BNIP2: variants seen among roughly 807,000 people sequenced by gnomAD.
BNIP2 encodes BCL2 interacting protein 2.
BNIP2 carries 36 observed loss-of-function variants against 43.4 expected under a neutral mutation model. That is an observed-to-expected ratio of 0.83 (90% confidence interval 0.64 to 1.10). The LOEUF is 1.10. BNIP2 is among the 50% of genes least tolerant of loss of function. The pLI is 0.00. For missense variants in BNIP2, 417 were observed against 374.1 expected (o/e 1.11, Z -0.95); for synonymous variants, 146 against 121.0 (o/e 1.21, Z -1.35).
intron 6 of BNIP2, among the ~76,000 whole-genome samples, chr15:59,671,858 T>C (rs1892951561): frequency 6.6e-6 from 1 of 152,210 alleles, no homozygotes; most frequent in Admixed American, 6.5e-5. Flanking sequence ...GGTGGCTTAC[T>C]TGAGCCCAGG....
At chr15:59,676,647 G>A in intron 5 of BNIP2, 1 of 586,308 alleles carries the variant, frequency 1.7e-6, no homozygotes, top group East Asian at 2.8e-5. Context: ...AATATCTCTA[G>A]GCAGAGTTTC....
At position 59,664,036 on chromosome 15, in the gene BNIP2, A is replaced by T; in HGVS notation, c.*33T>A. On this transcript the variant is annotated 3_prime_UTR_variant, in exon 10 of 10. Coordinates refer to ENST00000607373, the MANE Select transcript of BNIP2 (RefSeq NM_004330.4). The stretch of plus-strand genomic sequence containing the variant: ...AGAAACAGCACTGCTCCATCAGCAC[A>T]TTCTTCAGTCTTGTTTGGACTAGAT... The T allele has an allele frequency of 6.7e-7, 1 of 1,499,046 alleles. No homozygotes were observed. The highest frequency in any genetic ancestry group is 9.0e-7 in the Non-Finnish European group (1 of 1,111,886). 92.9% of individuals were successfully genotyped at this position (1,499,046 alleles called of 1,614,324 possible).
chr15:59,688,483 C>A (rs568062539), intron 1 of BNIP2: 7 of 447,704 alleles, frequency 1.6e-5, no homozygotes, highest in Admixed American at 3.9e-5. Context: ...GATGCAACAC[C>A]GGAAAAGCTG....
chr15:59,678,318 C>G, intron 4 of BNIP2: 1 of 1,263,524 alleles, frequency 7.9e-7, no homozygotes, highest in East Asian at 3.8e-5. Context: ...CAAAAACCAC[C>G]TAATCATAGT....
At position 59,688,621 on chromosome 15, in the gene BNIP2, G is replaced by T. The variant is rs148735791; in HGVS notation, c.-58+514C>A. On this transcript the variant is annotated intron_variant, in intron 1 of 9. Transcript: ENST00000607373. The stretch of plus-strand genomic sequence containing the variant: ...TGTGTCTAGATTCACGCGGGGACTC[G>T]GCTTTTGACGTACACACTCTGTATT... The T allele has an allele frequency of 7.2e-5, 95 of 1,313,082 alleles. No homozygotes were observed. In the African/African-American group the frequency reaches 1.3e-3, roughly 18 times the overall value. 81.3% of individuals were successfully genotyped at this position (1,313,082 alleles called of 1,614,324 possible). A position where few individuals can be genotyped will look rare whatever the true frequency, so the allele number is the denominator to read the frequency against.
chr15:59,678,112 T>C, intron 4 of BNIP2, 25 bp from the exon 5 acceptor site: 1 of 1,585,350 alleles, frequency 6.3e-7, no homozygotes, highest in Non-Finnish European at 8.6e-7. Flanking sequence ...AGTTTTTGAA[T>C]CACAAATTGT....
At chr15:59,679,550 G>A in intron 4 of BNIP2, 42 bp downstream of exon 4, 2 of 1,563,130 alleles carry the variant, frequency 1.3e-6, no homozygotes, top group South Asian at 2.4e-5. Flanking sequence ...AAATCCCTTA[G>A]TACATTAATA....
chr15:59,677,126 C>A, intron 5 of BNIP2: 1 of 1,602,202 alleles, frequency 6.2e-7, no homozygotes. Flanking sequence ...ATATTGTCAT[C>A]AATGAGGCTA....
rs1892728755 is a variant in BNIP2 at position 59,668,892 on chromosome 15, T to C, written c.893A>G (p.Gln298Arg). Reference sequence around the variant, plus strand: ...ATTAAGGAAATAAAACAAAACATACTGTTTTATGCATTCTGGTATGCCAAC... The same window carrying C: ...ATTAAGGAAATAAAACAAAACATACCGTTTTATGCATTCTGGTATGCCAAC... The part of the protein sequence containing the change: ...EYVGIPECIK[Q>R]VDQELNGKQD... The change falls in exon 9 of 10, where the codon CAA (glutamine) becomes CGA (arginine). Residue 298 changes from glutamine (Q) to arginine (R), a missense_variant and splice_region_variant. Coordinates refer to ENST00000607373, the MANE Select transcript of BNIP2 (RefSeq NM_004330.4). 1.2e-6 allele frequency: 2 copies of C among 1,609,590 alleles called. No homozygotes were observed. The highest frequency in any genetic ancestry group is 2.7e-5 in the African/African-American group (2 of 74,840).
At chr15:59,682,144 T>C (rs1287239547) in intron 2 of BNIP2, among the ~76,000 whole-genome samples, 4 of 152,050 alleles carry the variant, frequency 2.6e-5, no homozygotes, top group African/African-American at 9.7e-5. Flanking sequence ...CTGGCCAATA[T>C]GGTGAAACAC....
At chr15:59,665,504 G>T (rs1323039838) in intron 9 of BNIP2, 1 of 152,424 alleles carries the variant, frequency 6.6e-6, no homozygotes, top group South Asian at 2.1e-4. Context: ...CAGCTACTCA[G>T]AAGGCTGAGG....
intron 7 of BNIP2, among the ~76,000 whole-genome samples, 196 bp downstream of exon 7, chr15:59,670,987 C>T (rs556861523): frequency 4.0e-5 from 6 of 151,418 alleles, no homozygotes; most frequent in African/African-American, 9.7e-5. Context: ...GCAGGAGAAT[C>T]GCTTGAACCT....
At chr15:59,666,702 T>A (rs1892588529) in intron 9 of BNIP2, among the ~76,000 whole-genome samples, 1 of 152,142 alleles carries the variant, frequency 6.6e-6, no homozygotes, top group Non-Finnish European at 1.5e-5. Context: ...AAATTTAATT[T>A]AAAAATTAAA....
intron 5 of BNIP2, among the ~76,000 whole-genome samples, chr15:59,676,157 G>T (rs1893274771): frequency 6.6e-6 from 1 of 151,960 alleles, no homozygotes; most frequent in East Asian, 1.9e-4. Flanking sequence ...GTAGCCTAGA[G>T]ACAGTTTAAA....
chr15:59,669,267 A>C lies in BNIP2; in HGVS notation c.794+9T>G, dbSNP rs778136249. 1 of 1,528,990 alleles carries C rather than the reference A, an allele frequency of 6.5e-7. No homozygotes were observed. The highest frequency in any genetic ancestry group is 8.8e-7 in the Non-Finnish European group (1 of 1,140,784). The allele number at this position is 1,528,990 out of a possible 1,614,324, so 94.7% of individuals were successfully genotyped here. ...AATAAAATTAAAGTCAATGGCTCTC[A>C]AAAATTACCTAATAAATGGTCTTGT... On this transcript the variant is annotated intron_variant, in intron 8 of 9. Coordinates refer to ENST00000607373, the MANE Select transcript of BNIP2 (RefSeq NM_004330.4).
chr15:59,673,214 C>T (rs1394529720), intron 5 of BNIP2, among the ~76,000 whole-genome samples: 7 of 151,122 alleles, frequency 4.6e-5, no homozygotes, highest in African/African-American at 1.2e-4. Context: ...CGCCTCCTGG[C>T]TTCACGCGAT....
intron 5 of BNIP2, among the ~76,000 whole-genome samples, chr15:59,674,690 G>A (rs760790432): frequency 7.9e-5 from 12 of 152,128 alleles, no homozygotes; most frequent in South Asian, 2.1e-4. Context: ...TATGCCCTCC[G>A]TCCTGTGTTA....
At position 59,661,330 on chromosome 15, in the gene BNIP2, CAAAAAAAAA is replaced by C. The variant is rs34698618; in HGVS notation, c.*2730_*2738del. 5 of 98,714 alleles carry C rather than the reference CAAAAAAAAA, an allele frequency of 5.1e-5. No homozygotes were observed. In the East Asian group the frequency reaches 1.4e-3, roughly 28 times the overall value. The allele number at this position is 98,714 out of a possible 1,614,324, so 6.1% of individuals were successfully genotyped here. ...GGGTGACAGAGTGAGTCTCTGTCTC[CAAAAAAAAA>C]AAAAAAAAAAGAGAGGGCACACATA... On this transcript the variant is annotated 3_prime_UTR_variant, in exon 10 of 10. Coordinates refer to ENST00000607373, the MANE Select transcript of BNIP2 (RefSeq NM_004330.4).
At chr15:59,685,134 C>T (rs1484905122) in intron 1 of BNIP2, among the ~76,000 whole-genome samples, 2 of 152,182 alleles carry the variant, frequency 1.3e-5, no homozygotes, top group Admixed American at 6.5e-5. Context: ...AAAGGTTTAT[C>T]TTGGGAAATT....
Sources: gnomAD v4.1 joint callset for allele counts (sites outside exome capture counted in the v4.1 genomes callset) on GRCh38, gnomAD v4.1.1 for gene constraint, MANE v1.5 for transcripts, NCBI Gene and HGNC (gene_info 2026-07-23, HGNC 2026-07-21) for gene names.